ROR2: variants seen among roughly 807,000 people sequenced by gnomAD.
ROR2 encodes the protein tyrosine-protein kinase transmembrane receptor ROR2.
A neutral mutation model predicts 74.9 loss-of-function variants in ROR2; 33 were observed. The observed-to-expected ratio is 0.44, with a 90% CI of 0.33 to 0.59. The LOEUF (loss-of-function observed/expected upper bound fraction) is 0.59, where lower values mean the gene tolerates loss of function less well. ROR2 is among the 20% of genes least tolerant of loss of function. The probability of loss-of-function intolerance (pLI) is 0.02; values close to 1 mark genes in which losing one functional copy is unlikely to be tolerated. For missense variants in ROR2, 1,216 were observed against 1,313.8 expected, an observed-to-expected ratio of 0.93 and a Z score of 1.15; for synonymous variants, 586 against 558.7, an observed-to-expected ratio of 1.05 and a Z score of -0.69.
At chr9:91,932,403 G>A (rs971305754) in intron 1 of ROR2, among the ~76,000 whole-genome samples, 6 of 151,954 alleles carry the variant, frequency 3.9e-5, no homozygotes, top group African/African-American at 4.8e-5. Flanking sequence ...AAAAAAACAC[G>A]TTCACAGAAT....
intron 2 of ROR2, among the ~76,000 whole-genome samples, chr9:91,771,275 G>A (rs1466588532): frequency 5.9e-5 from 9 of 152,190 alleles, no homozygotes; most frequent in Non-Finnish European, 1.2e-4. Context: ...GCAGACGGGC[G>A]AGCCCACATC....
chr9:91,756,896 G>A (rs142049312), intron 3 of ROR2, among the ~76,000 whole-genome samples: 6,455 of 151,640 alleles, frequency 0.043, 283 homozygotes, highest in East Asian at 0.15. Flanking sequence ...GATTACAGGC[G>A]CCCGCCACCA....
chr9:91,778,004 C>T (rs746537249), intron 1 of ROR2, among the ~76,000 whole-genome samples: 2 of 152,100 alleles, frequency 1.3e-5, no homozygotes, highest in South Asian at 2.1e-4. Flanking sequence ...TACATGAGGC[C>T]GCAGAGATGA....
At chr9:91,873,766 A>G (rs944156859) in intron 1 of ROR2, among the ~76,000 whole-genome samples, 29 of 152,232 alleles carry the variant, frequency 1.9e-4, no homozygotes, top group African/African-American at 6.5e-4. Context: ...CAGCACTGTA[A>G]TTTATCCAGC....
At chr9:91,925,259 C>T (rs1831365558) in intron 1 of ROR2, among the ~76,000 whole-genome samples, 1 of 152,114 alleles carries the variant, frequency 6.6e-6, no homozygotes, top group Admixed American at 6.6e-5. Context: ...AAGAGGACAC[C>T]CTCATGACAC....
intron 6 of ROR2, among the ~76,000 whole-genome samples, chr9:91,731,796 T>A (rs1837252790): frequency 6.6e-6 from 1 of 152,108 alleles, no homozygotes; most frequent in Admixed American, 6.5e-5. Context: ...ACGCCTGTAG[T>A]CCCAGCTACT....
intron 1 of ROR2, among the ~76,000 whole-genome samples, chr9:91,794,907 A>G (rs572814625): frequency 1.3e-5 from 2 of 152,272 alleles, no homozygotes; most frequent in East Asian, 3.9e-4. Flanking sequence ...AGATGACTTG[A>G]GGTCAAGACT....
intron 4 of ROR2, among the ~76,000 whole-genome samples, chr9:91,750,357 G>C (rs890989724): frequency 2.6e-5 from 4 of 152,178 alleles, no homozygotes; most frequent in African/African-American, 9.7e-5. Context: ...AGAGCCTCTG[G>C]TTAAAACATT....
rs73651530 is a variant in ROR2, at chr9:91,806,036, T to G, written c.98-30218A>C. Among the ~76,000 whole-genome samples, 659 of 152,304 alleles carry G rather than the reference T, an allele frequency of 4.3e-3. 5 individuals are homozygous for G. The highest frequency in any genetic ancestry group is 0.015 in the African/African-American group (630 of 41,566). On this transcript the variant is annotated intron_variant, in intron 1 of 8. Transcript: ENST00000375708. The stretch of plus-strand genomic sequence containing the variant: ...TAATTTGATGATGAAAAAGTACAAC[T>G]GCATACAATGTGCCTTTTCAAGGTA...
intron 2 of ROR2, among the ~76,000 whole-genome samples, chr9:91,769,550 C>T (rs969077887): frequency 1.3e-5 from 2 of 152,144 alleles, no homozygotes; most frequent in African/African-American, 4.8e-5. Flanking sequence ...TCTGACCCTG[C>T]GTGCCCACCG....
chr9:91,747,561 T>C (rs1412153261), intron 4 of ROR2, among the ~76,000 whole-genome samples: 1 of 152,254 alleles, frequency 6.6e-6, no homozygotes, highest in Non-Finnish European at 1.5e-5. Flanking sequence ...ACACACCTCT[T>C]GACCAACAAT....
chr9:91,723,759 G>T lies in ROR2; in HGVS notation c.2735C>A (p.Ala912Glu). 6.2e-7 allele frequency: 1 copy of T among 1,613,790 alleles called. No homozygotes were observed. ...GACAGAGCCTTCCTCCTCCTCCTCT[G>T]CTTCCTGCACGGTGCTCTGGGCCCC... is the stretch of plus-strand genomic sequence containing the variant. ...EDGAQSTVQE[A>E]EEEEEGSVPE... Residue 912 changes from alanine (A) to glutamate (E), a missense_variant, in exon 9 of 9, where the codon GCA (alanine) becomes GAA (glutamate). Coordinates refer to ENST00000375708, the MANE Select transcript of ROR2 (RefSeq NM_004560.4).
intron 1 of ROR2, among the ~76,000 whole-genome samples, chr9:91,780,006 G>A (rs1826557172): frequency 6.6e-6 from 1 of 152,152 alleles, no homozygotes; most frequent in African/African-American, 2.4e-5. Flanking sequence ...AAGTGAAAGG[G>A]TTCACTGTTG....
chr9:91,840,938 T>C (rs549369652), intron 1 of ROR2, among the ~76,000 whole-genome samples: 1 of 152,380 alleles, frequency 6.6e-6, no homozygotes, highest in East Asian at 1.9e-4. Context: ...TGTGTGGTCA[T>C]GGGCTGTATG....
chr9:91,874,184 A>T (rs1829887421), intron 1 of ROR2, among the ~76,000 whole-genome samples: 1 of 152,126 alleles, frequency 6.6e-6, no homozygotes, highest in Non-Finnish European at 1.5e-5. Flanking sequence ...CTTCATTTTC[A>T]CTCCACTGAC....
At chr9:91,727,039 C>T (rs967539431) in intron 7 of ROR2, among the ~76,000 whole-genome samples, 19 of 152,298 alleles carry the variant, frequency 1.2e-4, no homozygotes, top group South Asian at 4.2e-4. Flanking sequence ...CGACCACATC[C>T]GCTTTCTGTT....
intron 1 of ROR2, among the ~76,000 whole-genome samples, chr9:91,944,998 C>A (rs984840154): frequency 2.0e-5 from 3 of 151,926 alleles, no homozygotes; most frequent in East Asian, 1.9e-4. Context: ...AGAGGCTTAG[C>A]CCAGGAGGTT....
intron 1 of ROR2, among the ~76,000 whole-genome samples, chr9:91,796,766 TG>T (rs1157159360): frequency 7.8e-6 from 1 of 128,652 alleles, no homozygotes; most frequent in Non-Finnish European, 1.6e-5. Flanking sequence ...CTGCATTCTG[TG>T]GGCAGGGCTG....
At chr9:91,887,083 G>C (rs1310489969) in intron 1 of ROR2, 1 of 152,160 alleles carries the variant, frequency 6.6e-6, no homozygotes, top group Non-Finnish European at 1.5e-5. Flanking sequence ...CGAGGGCCTT[G>C]GGTTGCTACT....
Sources: gnomAD v4.1 joint callset for allele counts (sites outside exome capture counted in the v4.1 genomes callset) on GRCh38, gnomAD v4.1.1 for gene constraint, MANE v1.5 for transcripts, NCBI Gene and HGNC (gene_info 2026-07-23, HGNC 2026-07-21) for gene names.